Variants in KANK1 observed in about 807,000 individuals in gnomAD.
KANK1 encodes KN motif and ankyrin repeat domains 1, also known as KN motif and ankyrin repeat domain-containing protein 1.
Under a neutral mutation model 106.2 loss-of-function variants are expected in KANK1, and 109 were observed. That is an observed-to-expected ratio of 1.03 (90% CI 0.88 to 1.20). The LOEUF is 1.20. Among genes scored for constraint, KANK1 ranks in the 50% most tolerant of loss-of-function variants. The probability of loss-of-function intolerance (pLI) is 0.00; values close to 1 mark genes in which losing one functional copy is unlikely to be tolerated. For synonymous variants in KANK1, 873 were observed against 652.2 expected (o/e 1.34, Z -5.16); for missense variants, 2,399 against 1,710.7 (o/e 1.40, Z -7.10).
At chr9:582,217 G>C (rs1209924448) in intron 1 of KANK1, among the ~76,000 whole-genome samples, 1 of 152,154 alleles carries the variant, frequency 6.6e-6, no homozygotes, top group Non-Finnish European at 1.5e-5. Context: ...CTGGAGGTTT[G>C]TGGGAGGAGG....
At chr9:626,576 C>CTAAG (rs1281343812) in intron 1 of KANK1, among the ~76,000 whole-genome samples, 1 of 152,126 alleles carries the variant, frequency 6.6e-6, no homozygotes, top group Admixed American at 6.6e-5. Flanking sequence ...TAAATCAAGC[C>CTAAG]CTTAGTAAAT....
Position 730,246 on chromosome 9 carries a change from A to T in KANK1, c.2894A>T (p.Tyr965Phe). The T allele has an allele frequency of 6.2e-7, 1 of 1,614,166 alleles. No individual in the cohort carries two copies. Among genetic ancestry groups the T allele is most frequent in the South Asian group, 1.1e-5 (1 of 91,078 alleles). The change falls in exon 4 of 12, where the codon TAT becomes TTT. Residue 965 changes from tyrosine to phenylalanine, a missense_variant and splice_region_variant. Physicochemically the swap from Tyr to Phe is conservative, Grantham distance 22. Transcript: ENST00000382297. ...LTDDQIAAGL[Y>F]ACTNNESTLK... The stretch of plus-strand genomic sequence containing the variant: ...GACGACCAGATCGCCGCTGGCCTCT[A>T]TGGTAACTTTTCTCACTCACAGTCA...
At chr9:655,422 C>T (rs1841933777) in intron 1 of KANK1, among the ~76,000 whole-genome samples, 1 of 149,464 alleles carries the variant, frequency 6.7e-6, no homozygotes, top group South Asian at 2.1e-4. Context: ...CTGTAGGTTG[C>T]TCCAGATAAA....
intron 3 of KANK1, among the ~76,000 whole-genome samples, chr9:480,558 C>T (rs541975087): frequency 6.6e-6 from 1 of 152,184 alleles, no homozygotes; most frequent in Non-Finnish European, 1.5e-5. Flanking sequence ...AAGCATTTAG[C>T]AGTAAAAAGT....
intron 1 of KANK1, among the ~76,000 whole-genome samples, chr9:628,408 G>C (rs905145218): frequency 6.8e-6 from 1 of 147,442 alleles, no homozygotes; most frequent in Admixed American, 6.8e-5. Flanking sequence ...CCTCCCAGTA[G>C]GGGGGGTTCC....
At chr9:523,706 C>T (rs1206027901) in intron 1 of KANK1, among the ~76,000 whole-genome samples, 1 of 151,700 alleles carries the variant, frequency 6.6e-6, no homozygotes, top group Non-Finnish European at 1.5e-5. Context: ...GCTCTGTCCT[C>T]ACCTCAGTGA....
intron 1 of KANK1, among the ~76,000 whole-genome samples, chr9:621,422 A>T (rs1660042510): frequency 6.6e-6 from 1 of 152,080 alleles, no homozygotes; most frequent in Admixed American, 6.6e-5. Flanking sequence ...GGAAATTCTC[A>T]TGTCATCATT....
At position 591,345 on chromosome 9, in the gene KANK1, C is replaced by G. The variant is rs538858982; in HGVS notation, c.-83-85545C>G. Among the ~76,000 whole-genome samples, 5 of 151,682 alleles carry G rather than the reference C, an allele frequency of 3.3e-5. No individual in the cohort carries two copies. In the East Asian group the frequency reaches 9.7e-4, roughly 29 times the overall value. On this transcript the variant is annotated intron_variant, in intron 1 of 11. Coordinates refer to ENST00000382297, the MANE Select transcript of KANK1 (RefSeq NM_015158.5). ...GTAAGAATGCCTTGGTATTTGTTGCCCATTGTCAGTTCTTTACATAGCAGA... is the reference window on the plus strand; with the variant it reads ...GTAAGAATGCCTTGGTATTTGTTGCGCATTGTCAGTTCTTTACATAGCAGA...
chr9:718,298 CTTTTTTTTTTTTTTTTT>C (rs60145502), intron 3 of KANK1, among the ~76,000 whole-genome samples: 1 of 74,088 alleles, frequency 1.3e-5, no homozygotes, highest in Non-Finnish European at 2.4e-5. Context: ...CTTGCTGTGT[CTTTTTTTTTTTTTTTTT>C]TTTTTTTTTA....
At position 543,544 on chromosome 9, in the gene KANK1, A is replaced by AGTGAAAC. The variant is rs1314936519; in HGVS notation, c.-84+38791_-84+38797dup. On this transcript the variant is annotated intron_variant, in intron 1 of 11. Coordinates refer to ENST00000382297, the MANE Select transcript of KANK1 (RefSeq NM_015158.5). Reference sequence around the variant, plus strand: ...ATTGCACTCCAGCCTGGGCAACAAGAGTGAAACTCTGTCTCAAAAAAAAAA... The same window carrying AGTGAAAC: ...ATTGCACTCCAGCCTGGGCAACAAGAGTGAAACGTGAAACTCTGTCTCAAAAAAAAAA... Among the ~76,000 whole-genome samples, 3 of 147,140 alleles carry AGTGAAAC rather than the reference A, an allele frequency of 2.0e-5. No individual in the cohort carries two copies. The East Asian group carries it at 6.1e-4, about 30-fold the overall frequency.
chr9:703,345 T>C (rs1398162061), intron 2 of KANK1, among the ~76,000 whole-genome samples: 2 of 152,080 alleles, frequency 1.3e-5, no homozygotes, highest in East Asian at 1.9e-4. Flanking sequence ...TAAGGGTGTT[T>C]GGTAGTCATC....
Position 574,481 on chromosome 9 carries a change from T to C in KANK1, c.-84+69727T>C, listed in dbSNP as rs540035058. On this transcript the variant is annotated intron_variant, in intron 1 of 11. Coordinates refer to ENST00000382297, the MANE Select transcript of KANK1 (RefSeq NM_015158.5). Reference sequence around the variant, plus strand: ...ACCTTAAATTGAAGTATGTCATTTATATGATTGTTAATATTGAAATGAGCA... The same window carrying C: ...ACCTTAAATTGAAGTATGTCATTTACATGATTGTTAATATTGAAATGAGCA... 2.6e-5 allele frequency among the ~76,000 whole-genome samples: 3 copies of C among 116,544 alleles called. No homozygotes were observed. In the South Asian group the frequency reaches 1.0e-3, roughly 40 times the overall value. 76.5% of individuals were successfully genotyped at this position (116,544 alleles called of 152,430 possible). A position where few individuals can be genotyped will look rare whatever the true frequency, so the allele number is the denominator to read the frequency against.
intron 1 of KANK1, among the ~76,000 whole-genome samples, chr9:628,200 A>T (rs981518908): frequency 1.3e-5 from 2 of 152,184 alleles, no homozygotes; most frequent in African/African-American, 4.8e-5. Context: ...CTGTAGCACT[A>T]AGCCTCAGCC....
chr9:556,708 C>T (rs2061608565), intron 1 of KANK1, among the ~76,000 whole-genome samples: 1 of 152,020 alleles, frequency 6.6e-6, no homozygotes, highest in Non-Finnish European at 1.5e-5. Flanking sequence ...CTCTCTAGCT[C>T]TTGCCCTGCT....
At chr9:528,868 C>G (rs550766928) in intron 1 of KANK1, among the ~76,000 whole-genome samples, 3 of 151,972 alleles carry the variant, frequency 2.0e-5, no homozygotes, top group African/African-American at 7.2e-5. Flanking sequence ...CTTATGATCA[C>G]TGCTCACTGC....
chr9:742,880 C>T (rs1027204358), intron 10 of KANK1, among the ~76,000 whole-genome samples: 1 of 152,198 alleles, frequency 6.6e-6, no homozygotes, highest in Non-Finnish European at 1.5e-5. Context: ...TAGCTTGTGA[C>T]ACAACATATG....
intron 2 of KANK1, among the ~76,000 whole-genome samples, chr9:701,515 T>C (rs989538077): frequency 6.6e-6 from 1 of 152,336 alleles, no homozygotes; most frequent in African/African-American, 2.4e-5. Flanking sequence ...CATTATGAGC[T>C]AGATAATTCT....
chr9:729,439 A>T (rs1329145843), intron 3 of KANK1, among the ~76,000 whole-genome samples: 3 of 152,330 alleles, frequency 2.0e-5, no homozygotes, highest in Admixed American at 2.0e-4. Flanking sequence ...GAAGAAAGGT[A>T]TTCCAGGTAG....
chr9:687,298 G>A (rs1818804680), intron 2 of KANK1, among the ~76,000 whole-genome samples: 1 of 152,080 alleles, frequency 6.6e-6, no homozygotes, highest in Admixed American at 6.6e-5. Context: ...TGTAAGGATG[G>A]CTGGCAAGAT....
Sources: gnomAD v4.1 joint callset for allele counts (sites outside exome capture counted in the v4.1 genomes callset) on GRCh38, gnomAD v4.1.1 for gene constraint, MANE v1.5 for transcripts, NCBI Gene and HGNC (gene_info 2026-07-23, HGNC 2026-07-21) for gene names.